The following KCNH1 variants were observed in gnomAD, a reference collection of about 807,000 sequenced individuals.
KCNH1 encodes the protein voltage-gated delayed rectifier potassium channel KCNH1.
KCNH1 carries 27 observed loss-of-function variants against 69.2 expected under a neutral mutation model. The ratio of observed to expected loss-of-function variants is 0.39; its 90% CI spans 0.29 to 0.54. The LOEUF (loss-of-function observed/expected upper bound fraction) is 0.54, where lower values mean the gene tolerates loss of function less well. Among genes scored for constraint, KCNH1 ranks in the 20% least tolerant of loss-of-function variants. The probability of loss-of-function intolerance (pLI) is 0.68; values close to 1 mark genes in which losing one functional copy is unlikely to be tolerated. For synonymous variants in KCNH1, 456 were observed against 487.7 expected (o/e 0.93, Z 0.86); for missense variants, 798 against 1,261.6 (o/e 0.63, Z 5.57).
intron 7 of KCNH1, chr1:210,859,736 G>A (rs774613036): frequency 3.6e-6 from 4 of 1,120,308 alleles, no homozygotes; most frequent in Non-Finnish European, 5.5e-6. Context: ...AAACCTTGGG[G>A]TATCTGTTCC....
At chr1:211,129,753 C>T (rs545795423) in intron 1 of KCNH1, among the ~76,000 whole-genome samples, 3 of 152,304 alleles carry the variant, frequency 2.0e-5, no homozygotes, top group African/African-American at 4.8e-5. Context: ...CAACATTACT[C>T]GTGGTTCTCA....
In KCNH1 at chr1:211,133,950, CCAG is replaced by C; in HGVS notation, c.-8_-6del. ...CCTGCCCCCAGCCATGGTCATCCTC[CCAG>C]CAGCTCGGGGTCCGGCGGGCGTCCT... is the stretch of plus-strand genomic sequence containing the variant. On this transcript the variant is annotated 5_prime_UTR_variant, in exon 1 of 11. Transcript: ENST00000271751. The surrounding 1 kb of genome is among the most constrained non-coding windows in gnomAD (Gnocchi z 5.4). 1 of 1,607,394 alleles carries C rather than the reference CCAG, an allele frequency of 6.2e-7. No homozygotes were observed. Among genetic ancestry groups the C allele is most frequent in the Non-Finnish European group, 8.5e-7 (1 of 1,177,040 alleles).
At chr1:210,874,053 A>G (rs1335891644) in intron 7 of KCNH1, among the ~76,000 whole-genome samples, 2 of 152,188 alleles carry the variant, frequency 1.3e-5, no homozygotes, top group Non-Finnish European at 2.9e-5. Flanking sequence ...AATGAAGCAC[A>G]AAGAAAAGTC....
chr1:211,050,873 T>C (rs1411196956), intron 5 of KCNH1, among the ~76,000 whole-genome samples: 1 of 152,244 alleles, frequency 6.6e-6, no homozygotes, highest in Non-Finnish European at 1.5e-5. Context: ...AACCAAGTGA[T>C]TGCTTCCTTT....
intron 6 of KCNH1, among the ~76,000 whole-genome samples, chr1:211,000,962 G>A (rs1371914426): frequency 8.5e-5 from 13 of 152,048 alleles, no homozygotes; most frequent in Non-Finnish European, 1.9e-4. Context: ...CTAGCCATAT[G>A]TAGAAAGCTG....
At chr1:210,970,335 A>G (rs916096509) in intron 6 of KCNH1, among the ~76,000 whole-genome samples, 4 of 150,416 alleles carry the variant, frequency 2.7e-5, no homozygotes, top group Non-Finnish European at 4.4e-5. Flanking sequence ...TCATTGTTCA[A>G]CTCCCACTTA....
intron 7 of KCNH1, among the ~76,000 whole-genome samples, chr1:210,804,476 G>A (rs1684493671): frequency 6.6e-6 from 1 of 152,196 alleles, no homozygotes; most frequent in East Asian, 1.9e-4. Flanking sequence ...TGGGTTGCGG[G>A]GGCGGGGTAA....
intron 6 of KCNH1, among the ~76,000 whole-genome samples, chr1:210,922,814 G>A (rs557797072): frequency 2.0e-4 from 30 of 152,316 alleles, no homozygotes; most frequent in African/African-American, 6.7e-4. Flanking sequence ...CCTGCATGGA[G>A]GAGATATTTT....
chr1:211,019,046 C>A lies in KCNH1; in HGVS notation c.769G>T (p.Val257Leu). The change falls in exon 6 of 11, where the codon GTG (valine) becomes TTG (leucine). Residue 257 changes from valine (V) to leucine (L), a missense_variant. Val to Leu is a conservative substitution (Grantham distance 32). This residue lies in a region of KCNH1 where 266 missense variants were observed against 457.2 expected (regional missense o/e 0.58). Coordinates refer to ENST00000271751, the MANE Select transcript of KCNH1 (RefSeq NM_172362.3). ...ATGTCCACCAAAAAGATAACATCCA[C>A]GATGCTATCAACAACCAGCCAGGCC... ...NVAWLVVDSI[V>L]DVIFLVDIVL... The A allele has an allele frequency of 6.2e-7, 1 of 1,613,922 alleles. No homozygotes were observed. The highest frequency in any genetic ancestry group is 8.5e-7 in the Non-Finnish European group (1 of 1,179,922).
At chr1:211,065,280 T>C (rs191727172) in intron 5 of KCNH1, among the ~76,000 whole-genome samples, 1 of 152,326 alleles carries the variant, frequency 6.6e-6, no homozygotes. Context: ...GTGGCACATA[T>C]ACTACAACGG....
chr1:210,867,362 CAT>C (rs915065010), intron 7 of KCNH1, among the ~76,000 whole-genome samples: 4,062 of 67,228 alleles, frequency 0.06, 94 homozygotes, highest in South Asian at 0.087. Context: ...CACACACACA[CAT>C]ATATATATAT....
intron 5 of KCNH1, among the ~76,000 whole-genome samples, chr1:211,042,375 C>T (rs1383419553): frequency 6.6e-6 from 1 of 152,142 alleles, no homozygotes; most frequent in African/African-American, 2.4e-5. Context: ...TGTCTCTCTA[C>T]TTACCATCAC....
chr1:211,021,490 G>C (rs149458529), intron 5 of KCNH1, among the ~76,000 whole-genome samples: 43 of 151,868 alleles, frequency 2.8e-4, no homozygotes, highest in Middle Eastern at 3.4e-3. Context: ...GCAAGAGAAA[G>C]AAATAAAGGA....
chr1:211,092,582 T>C (rs1423159869), intron 3 of KCNH1, among the ~76,000 whole-genome samples: 1 of 152,218 alleles, frequency 6.6e-6, no homozygotes, highest in African/African-American at 2.4e-5. Flanking sequence ...AAGAAAATTC[T>C]ACCATATAAA....
intron 5 of KCNH1, among the ~76,000 whole-genome samples, chr1:211,068,988 G>A (rs1297800951): frequency 6.6e-6 from 1 of 152,204 alleles, no homozygotes; most frequent in Non-Finnish European, 1.5e-5. Flanking sequence ...TTCTCACAGT[G>A]AAGACGGAAG....
At chr1:211,110,351 T>A (rs1691435236) in intron 1 of KCNH1, among the ~76,000 whole-genome samples, 1 of 152,148 alleles carries the variant, frequency 6.6e-6, no homozygotes, top group Non-Finnish European at 1.5e-5. Flanking sequence ...TATTCAATAC[T>A]GAACAATTCA....
chr1:211,090,514 A>G (rs780671986), intron 4 of KCNH1, 48 bp downstream of exon 4: 2 of 1,532,916 alleles, frequency 1.3e-6, no homozygotes, highest in Non-Finnish European at 1.8e-6. Context: ...GAGCCACAAT[A>G]AAGACAAAAA....
At chr1:211,087,054 T>C (rs558394392) in intron 4 of KCNH1, among the ~76,000 whole-genome samples, 2 of 152,152 alleles carry the variant, frequency 1.3e-5, no homozygotes, top group Admixed American at 1.3e-4. Context: ...GGCAGAGACA[T>C]AAAATATTAA....
intron 10 of KCNH1, among the ~76,000 whole-genome samples, chr1:210,746,531 C>A (rs1407849813): frequency 6.6e-6 from 1 of 151,978 alleles, no homozygotes; most frequent in African/African-American, 2.4e-5. Flanking sequence ...CTGCAATACA[C>A]AGACTATGAT....
Sources: gnomAD v4.1 joint callset for allele counts (sites outside exome capture counted in the v4.1 genomes callset) on GRCh38, gnomAD v4.1.1 for gene constraint, gnomAD v4.1.1 regional missense constraint, Gnocchi (gnomAD v3.1) non-coding constraint, MANE v1.5 for transcripts, NCBI Gene and HGNC (gene_info 2026-07-23, HGNC 2026-07-21) for gene names.